Variants in TRAK1 observed in about 807,000 individuals in gnomAD.
The protein encoded by TRAK1 is trafficking kinesin protein 1, also known as trafficking kinesin-binding protein 1.
A neutral mutation model predicts 92.1 loss-of-function variants in TRAK1; 33 were observed. The observed-to-expected ratio is 0.36, with a 90% CI of 0.27 to 0.48. TRAK1 has a LOEUF of 0.48. Ranked by LOEUF, TRAK1 falls within the 20% of genes least tolerant of loss-of-function variation. The probability of loss-of-function intolerance (pLI) is 0.99; values close to 1 mark genes in which losing one functional copy is unlikely to be tolerated. For synonymous variants in TRAK1, 521 were observed against 517.3 expected, an observed-to-expected ratio of 1.01 and a Z score of -0.10; for missense variants, 1,123 against 1,257.9, an observed-to-expected ratio of 0.89 and a Z score of 1.62.
chr3:42,133,237 C>G (rs1252740280), intron 2 of TRAK1, among the ~76,000 whole-genome samples: 1 of 152,188 alleles, frequency 6.6e-6, no homozygotes, highest in Non-Finnish European at 1.5e-5. Flanking sequence ...GCTCTTGGCT[C>G]TATCCAGCCA....
At chr3:42,132,191 C>G (rs1474467236) in intron 2 of TRAK1, among the ~76,000 whole-genome samples, 2 of 151,644 alleles carry the variant, frequency 1.3e-5, no homozygotes, top group Non-Finnish European at 2.9e-5. Flanking sequence ...ACACATCTTT[C>G]CATATACTCT....
intron 1 of TRAK1, among the ~76,000 whole-genome samples, chr3:42,042,679 T>C (rs1702595682): frequency 6.6e-6 from 1 of 152,072 alleles, no homozygotes; most frequent in South Asian, 2.1e-4. Flanking sequence ...CCTGGAACTT[T>C]TATTTTTTTC....
chr3:42,160,206 C>T, intron 2 of TRAK1: 2 of 1,452,452 alleles, frequency 1.4e-6, no homozygotes, highest in Non-Finnish European at 1.8e-6. Context: ...TACACCCCTC[C>T]ACTTCAGCTG....
intron 2 of TRAK1, among the ~76,000 whole-genome samples, chr3:42,134,553 A>G (rs1431221309): frequency 6.9e-6 from 1 of 145,316 alleles, no homozygotes; most frequent in Non-Finnish European, 1.5e-5. Flanking sequence ...CTGGGATTAC[A>G]GGTGTTAGCC....
chr3:42,132,926 A>T (rs930033033), intron 2 of TRAK1, among the ~76,000 whole-genome samples: 1 of 152,190 alleles, frequency 6.6e-6, no homozygotes, highest in African/African-American at 2.4e-5. Context: ...TAATAAATAC[A>T]ACGTGGTTTA....
exon 1 of TRAK1, chr3:42,014,017 G>T (rs950478853): frequency 3.4e-5 from 5 of 146,330 alleles, no homozygotes; most frequent in Non-Finnish European, 7.7e-5. Context: ...CGAAGCCGCC[G>T]GGCGGCCGGG....
chr3:42,135,854 A>G (rs886469761), intron 2 of TRAK1, among the ~76,000 whole-genome samples: 3 of 152,172 alleles, frequency 2.0e-5, no homozygotes, highest in African/African-American at 4.8e-5. Context: ...GGTGATGGCT[A>G]CGTTTCTCTC....
chr3:42,095,911 A>C (rs937558780), intron 1 of TRAK1, among the ~76,000 whole-genome samples: 1 of 152,194 alleles, frequency 6.6e-6, no homozygotes, highest in Non-Finnish European at 1.5e-5. Context: ...CTTATAAAAG[A>C]GGTTTTGGAG....
At chr3:42,075,802 G>C (rs151281666) in intron 1 of TRAK1, among the ~76,000 whole-genome samples, 2,181 of 152,102 alleles carry the variant, frequency 0.014, 58 homozygotes, top group African/African-American at 0.049. Context: ...TTTGAGAAGT[G>C]TCTGTTCATG....
intron 14 of TRAK1, chr3:42,210,510 C>T (rs1708903159): frequency 8.4e-7 from 1 of 1,186,842 alleles, no homozygotes; most frequent in African/African-American, 1.6e-5. Flanking sequence ...ATTCTCAAGT[C>T]CCCTGGTGAT....
chr3:42,026,925 A>C (rs1381377269), intron 1 of TRAK1, among the ~76,000 whole-genome samples: 1 of 152,138 alleles, frequency 6.6e-6, no homozygotes, highest in Non-Finnish European at 1.5e-5. Flanking sequence ...GGGTATAATC[A>C]ATATCAAATT....
At chr3:42,176,997 T>G in intron 3 of TRAK1, 107 bp downstream of exon 3, 1 of 1,066,242 alleles carries the variant, frequency 9.4e-7, no homozygotes, top group Non-Finnish European at 1.4e-6. Context: ...ATCTTGGAAA[T>G]TGGTCTCTTT....
At position 42,123,925 on chromosome 3, in the gene TRAK1, G is replaced by A. The variant is rs138910751; in HGVS notation, c.92-1495G>A. On this transcript the variant is annotated intron_variant, in intron 1 of 15. Coordinates refer to ENST00000327628, the MANE Select transcript of TRAK1 (RefSeq NM_001042646.3). ...TGGGGGGCCAAGGCAGGAGGATTGCGTGAGCCCAGGAGTTCGAGACCCACC... is the reference window on the plus strand; with the variant it reads ...TGGGGGGCCAAGGCAGGAGGATTGCATGAGCCCAGGAGTTCGAGACCCACC... Among the ~76,000 whole-genome samples, 69 of 152,156 alleles carry A rather than the reference G, an allele frequency of 4.5e-4. 1 individual carries two copies. The highest frequency in any genetic ancestry group is 2.9e-3 in the South Asian group (14 of 4,822).
At chr3:42,193,741 ATTACAG>A in intron 8 of TRAK1, 77 bp from the exon 9 acceptor site, 1 of 1,369,270 alleles carries the variant, frequency 7.3e-7, no homozygotes, top group South Asian at 1.2e-5. Flanking sequence ...TGATGAGTTC[ATTACAG>A]ATTAGGTTAA....
chr3:42,131,811 A>G (rs1559809479), intron 2 of TRAK1, among the ~76,000 whole-genome samples: 1 of 151,552 alleles, frequency 6.6e-6, no homozygotes, highest in Admixed American at 6.6e-5. Flanking sequence ...TAATCCCATC[A>G]CTTTAGGAGG....
chr3:42,071,580 C>T (rs949538505), intron 1 of TRAK1, among the ~76,000 whole-genome samples: 11 of 151,814 alleles, frequency 7.2e-5, no homozygotes, highest in Admixed American at 2.0e-4. Context: ...TGGTGGTGGG[C>T]GCCTGTAATT....
intron 1 of TRAK1, among the ~76,000 whole-genome samples, chr3:42,029,752 G>A (rs1299083291): frequency 6.6e-6 from 1 of 152,014 alleles, no homozygotes; most frequent in Non-Finnish European, 1.5e-5. Context: ...GTTTTGCCAT[G>A]TTGGCAGGCT....
At chr3:42,214,459 G>A (rs1455479612) in intron 14 of TRAK1, among the ~76,000 whole-genome samples, 1 of 152,172 alleles carries the variant, frequency 6.6e-6, no homozygotes, top group Non-Finnish European at 1.5e-5. Context: ...AGACTACAAA[G>A]GGATTTCTGC....
intron 2 of TRAK1, among the ~76,000 whole-genome samples, chr3:42,147,659 C>T (rs1699484503): frequency 1.3e-5 from 2 of 152,158 alleles, no homozygotes; most frequent in Admixed American, 1.3e-4. Flanking sequence ...TGGATCCTTG[C>T]AGTCCACAAG....
Sources: gnomAD v4.1 joint callset for allele counts (sites outside exome capture counted in the v4.1 genomes callset) on GRCh38, gnomAD v4.1.1 for gene constraint, MANE v1.5 for transcripts, NCBI Gene and HGNC (gene_info 2026-07-23, HGNC 2026-07-21) for gene names.